The following CACNA2D3 variants were observed in gnomAD, a reference collection of about 807,000 sequenced individuals.
CACNA2D3 encodes the protein voltage-dependent calcium channel subunit alpha-2/delta-3.
In CACNA2D3, 60 loss-of-function variants were observed where a neutral mutation model predicts 160.6. The observed-to-expected ratio is 0.37, with a 90% CI of 0.30 to 0.46. The LOEUF (loss-of-function observed/expected upper bound fraction) is 0.46. Among genes scored for constraint, CACNA2D3 ranks in the 20% least tolerant of loss-of-function variants. The probability of loss-of-function intolerance (pLI) is 1.00; values close to 1 mark genes in which losing one functional copy is unlikely to be tolerated. For synonymous variants in CACNA2D3, 558 were observed against 492.9 expected (o/e 1.13, Z -1.75); for missense variants, 1,205 against 1,365.0 (o/e 0.88, Z 1.85).
chr3:54,816,022 T>C (rs902434428), intron 13 of CACNA2D3, among the ~76,000 whole-genome samples: 1 of 152,316 alleles, frequency 6.6e-6, no homozygotes, highest in African/African-American at 2.4e-5. Context: ...CACAGAAATA[T>C]AGACAAATAT....
At chr3:54,631,203 AACACACACACAC>A (rs67944483) in intron 10 of CACNA2D3, among the ~76,000 whole-genome samples, 40 of 145,878 alleles carry the variant, frequency 2.7e-4, no homozygotes, top group Admixed American at 1.0e-3. Context: ...GACTCCATCA[AACACACACACAC>A]ACACACACAC....
intron 27 of CACNA2D3, among the ~76,000 whole-genome samples, chr3:54,966,158 G>A (rs1412057547): frequency 6.6e-6 from 1 of 152,062 alleles, no homozygotes; most frequent in African/African-American, 2.4e-5. Context: ...AAGGGCATCA[G>A]GAGACTCATG....
chr3:54,240,979 G>A (rs1005804059), intron 2 of CACNA2D3, among the ~76,000 whole-genome samples: 1 of 152,076 alleles, frequency 6.6e-6, no homozygotes, highest in Non-Finnish European at 1.5e-5. Context: ...GACCTCAAGT[G>A]ATCCACTCAC....
At chr3:54,970,528 A>G (rs9835676) in intron 29 of CACNA2D3, among the ~76,000 whole-genome samples, 57 of 1,474 alleles carry the variant, frequency 0.039, no homozygotes, top group Middle Eastern at 0.25. Context: ...CTCCTCTCCT[A>G]TCCTTTCTTC....
chr3:54,217,660 C>A (rs1701485482), intron 2 of CACNA2D3, among the ~76,000 whole-genome samples: 1 of 152,050 alleles, frequency 6.6e-6, no homozygotes, highest in African/African-American at 2.4e-5. Flanking sequence ...CAAGGAATGC[C>A]AGCAGCCACC....
chr3:54,945,077 T>A (rs941592261), intron 27 of CACNA2D3, among the ~76,000 whole-genome samples: 1 of 152,170 alleles, frequency 6.6e-6, no homozygotes, highest in South Asian at 2.1e-4. Context: ...TTGGGGGCTA[T>A]AAGCTTGTTT....
At chr3:54,985,787 G>T (rs1702601270) in intron 30 of CACNA2D3, among the ~76,000 whole-genome samples, 1 of 152,142 alleles carries the variant, frequency 6.6e-6, no homozygotes, top group South Asian at 2.1e-4. Context: ...ATAAACAGGG[G>T]CTCCAGGAAA....
chr3:54,861,871 C>T (rs1222752268), intron 17 of CACNA2D3, among the ~76,000 whole-genome samples: 1 of 152,210 alleles, frequency 6.6e-6, no homozygotes, highest in South Asian at 2.1e-4. Flanking sequence ...CCAGAGAACT[C>T]AGTCTTACAA....
intron 11 of CACNA2D3, among the ~76,000 whole-genome samples, chr3:54,709,489 T>C (rs1300367045): frequency 1.3e-5 from 2 of 152,038 alleles, no homozygotes; most frequent in Non-Finnish European, 2.9e-5. Context: ...GCCTCCCGAG[T>C]AGTTGGGACT....
chr3:54,813,290 T>A (rs974083416), intron 13 of CACNA2D3, among the ~76,000 whole-genome samples: 1 of 152,166 alleles, frequency 6.6e-6, no homozygotes, highest in African/African-American at 2.4e-5. Context: ...CAGAGCCTGG[T>A]TGGCAATGCC....
At chr3:55,008,892 C>CAT (rs1415614212) in intron 33 of CACNA2D3, among the ~76,000 whole-genome samples, 2 of 106,038 alleles carry the variant, frequency 1.9e-5, no homozygotes, top group Admixed American at 1.7e-4. Flanking sequence ...CCTCTATACA[C>CAT]ACACACACAC....
chr3:54,682,087 G>A (rs888642516), intron 11 of CACNA2D3, among the ~76,000 whole-genome samples: 2 of 151,906 alleles, frequency 1.3e-5, no homozygotes, highest in East Asian at 1.9e-4. Flanking sequence ...TCATGTGTGC[G>A]TGATTGCAAA....
rs1025951740 is a variant in CACNA2D3 at position 54,841,319 on chromosome 3, A to C, written c.1551+2671A>C. Reference sequence around the variant, plus strand: ...TAACAGATGAAGGAAACGAAGCATAACAAGGGAATAGAGGAAGAAGATCAA... The same window carrying C: ...TAACAGATGAAGGAAACGAAGCATACCAAGGGAATAGAGGAAGAAGATCAA... On this transcript the variant is annotated intron_variant, in intron 16 of 37. Coordinates refer to ENST00000474759, the MANE Select transcript of CACNA2D3 (RefSeq NM_018398.3). 3.9e-5 allele frequency among the ~76,000 whole-genome samples: 6 copies of C among 152,202 alleles called. No individual in the cohort carries two copies. The South Asian group carries it at 6.2e-4, about 16-fold the overall frequency.
chr3:54,991,011 CA>C (rs2107114415), intron 31 of CACNA2D3, among the ~76,000 whole-genome samples: 1 of 152,304 alleles, frequency 6.6e-6, no homozygotes, highest in African/African-American at 2.4e-5. Flanking sequence ...ATCCAACTCA[CA>C]GACCAATAGG....
intron 27 of CACNA2D3, among the ~76,000 whole-genome samples, chr3:54,956,313 T>C (rs757110384): frequency 1.5e-4 from 23 of 152,186 alleles, no homozygotes; most frequent in Admixed American, 3.3e-4. Flanking sequence ...ATCCTTTCCA[T>C]GTACAATGAA....
chr3:55,059,620 T>C (rs1322495928), intron 35 of CACNA2D3, among the ~76,000 whole-genome samples: 1 of 152,216 alleles, frequency 6.6e-6, no homozygotes, highest in Non-Finnish European at 1.5e-5. Context: ...CAGTGCTCTT[T>C]TAGCTCTGCT....
intron 11 of CACNA2D3, among the ~76,000 whole-genome samples, chr3:54,684,127 A>G (rs1024160853): frequency 2.0e-5 from 3 of 151,812 alleles, no homozygotes; most frequent in African/African-American, 7.2e-5. Flanking sequence ...TGCCCGGCTA[A>G]TTTTTGTATT....
rs142341383 is a variant in CACNA2D3, at chr3:54,176,340, C to T, written c.204+52746C>T. The stretch of plus-strand genomic sequence containing the variant: ...TAAGGAAGAAACAGTTCTCCTGGAC[C>T]ACAGCCATGAATGCCTTGACTCATT... On this transcript the variant is annotated intron_variant, in intron 2 of 37. Coordinates refer to ENST00000474759, the MANE Select transcript of CACNA2D3 (RefSeq NM_018398.3). Among the ~76,000 whole-genome samples, 853 of 152,304 alleles carry T rather than the reference C, an allele frequency of 5.6e-3. 12 individuals are homozygous for T. Among genetic ancestry groups the T allele is most frequent in the African/African-American group, 0.019 (770 of 41,560 alleles).
chr3:54,965,807 G>A (rs532454075), intron 27 of CACNA2D3, among the ~76,000 whole-genome samples: 1 of 152,298 alleles, frequency 6.6e-6, no homozygotes, highest in South Asian at 2.1e-4. Flanking sequence ...TTGCAGCCAG[G>A]ACTATCCAGG....
Sources: allele counts gnomAD v4.1 joint callset (sites outside exome capture counted in the v4.1 genomes callset), GRCh38; gene constraint gnomAD v4.1.1; transcripts MANE v1.5; gene names NCBI Gene and HGNC (gene_info 2026-07-23, HGNC 2026-07-21).